TPRG1: variants seen among roughly 807,000 people sequenced by gnomAD.
TPRG1 encodes the protein tumor protein p63 regulated 1.
Under a neutral mutation model 29.3 loss-of-function variants are expected in TPRG1, and 29 were observed. The observed-to-expected ratio is 0.99, with a 90% CI of 0.74 to 1.35. The LOEUF is 1.35. TPRG1 is among the 40% of genes most tolerant of loss of function. TPRG1 has a pLI of 0.00. For missense variants in TPRG1, 327 were observed against 335.0 expected (o/e 0.98, Z 0.19); for synonymous variants, 130 against 116.8 (o/e 1.11, Z -0.73).
intron 1 of TPRG1, among the ~76,000 whole-genome samples, chr3:189,204,892 C>A (rs1374740767): frequency 6.6e-6 from 1 of 150,586 alleles, no homozygotes; most frequent in Non-Finnish European, 1.5e-5. Flanking sequence ...GGTCAGAGTG[C>A]CTCCTCTGTC....
At chr3:189,298,153 A>T (rs1720262286) in intron 4 of TPRG1, among the ~76,000 whole-genome samples, 1 of 152,230 alleles carries the variant, frequency 6.6e-6, no homozygotes, top group South Asian at 2.1e-4. Flanking sequence ...AATGTAGGTG[A>T]ATCAGCTCTA....
intron 4 of TPRG1, among the ~76,000 whole-genome samples, chr3:189,060,111 A>C (rs1371398233): frequency 6.6e-6 from 1 of 152,182 alleles, no homozygotes; most frequent in East Asian, 1.9e-4. Flanking sequence ...GCATGCCTGT[A>C]ATCCCAGCTT....
chr3:189,098,493 T>C (rs1271422685), upstream of TPRG1, among the ~76,000 whole-genome samples: 4 of 151,922 alleles, frequency 2.6e-5, no homozygotes, highest in Non-Finnish European at 4.4e-5. Flanking sequence ...GAAGAGAGGG[T>C]ACTGGGGGCA....
intron 5 of TPRG1, among the ~76,000 whole-genome samples, chr3:189,159,364 G>A (rs1380724439): frequency 1.3e-5 from 2 of 152,090 alleles, no homozygotes; most frequent in Non-Finnish European, 2.9e-5. Flanking sequence ...GGCATTTCAG[G>A]TAGAGGGAAT....
At chr3:189,154,646 T>A (rs1726417083) in intron 5 of TPRG1, among the ~76,000 whole-genome samples, 1 of 152,070 alleles carries the variant, frequency 6.6e-6, no homozygotes, top group African/African-American at 2.4e-5. Context: ...TTTCACTATG[T>A]TGGCCAGGCT....
intron 4 of TPRG1, among the ~76,000 whole-genome samples, chr3:189,262,999 G>C (rs1430926891): frequency 6.6e-6 from 1 of 152,238 alleles, no homozygotes; most frequent in Non-Finnish European, 1.5e-5. Context: ...ATGAGACGTT[G>C]AGCAAAATAG....
At chr3:189,081,326 A>G (rs796219285) in intron 4 of TPRG1, among the ~76,000 whole-genome samples, 23 of 152,314 alleles carry the variant, frequency 1.5e-4, no homozygotes, top group African/African-American at 5.5e-4. Flanking sequence ...TAGAAGAGCC[A>G]AGAGGCAGAA....
chr3:189,214,417 AAG>A (rs568533456), intron 2 of TPRG1, among the ~76,000 whole-genome samples: 228 of 152,328 alleles, frequency 1.5e-3, no homozygotes, highest in African/African-American at 5.2e-3. Context: ...CTGCATCACA[AAG>A]AGTGGAGGTT....
intron 4 of TPRG1, among the ~76,000 whole-genome samples, chr3:189,074,007 T>C (rs753076405): frequency 6.6e-6 from 1 of 152,132 alleles, no homozygotes; most frequent in Admixed American, 6.5e-5. Context: ...TATTAGTTTT[T>C]GGAAGCTATT....
intron 4 of TPRG1, among the ~76,000 whole-genome samples, chr3:189,091,991 T>C (rs73053423): frequency 0.046 from 7,078 of 152,262 alleles, 537 homozygotes; most frequent in African/African-American, 0.16. Flanking sequence ...TTTTAGATGC[T>C]AAATGTAGGA....
At chr3:189,161,309 T>G (rs1727448287) in intron 5 of TPRG1, among the ~76,000 whole-genome samples, 1 of 152,244 alleles carries the variant, frequency 6.6e-6, no homozygotes, top group Non-Finnish European at 1.5e-5. Flanking sequence ...GCTTCAGAAC[T>G]GGACTATCTT....
upstream of TPRG1, among the ~76,000 whole-genome samples, chr3:189,168,260 C>T (rs1315119989): frequency 6.6e-6 from 1 of 152,072 alleles, no homozygotes; most frequent in Non-Finnish European, 1.5e-5. Flanking sequence ...TATTTCCAAC[C>T]AGCCTTGAGC....
At chr3:189,236,844 C>CA (rs1739544416) in intron 3 of TPRG1, among the ~76,000 whole-genome samples, 1 of 152,080 alleles carries the variant, frequency 6.6e-6, no homozygotes, top group Non-Finnish European at 1.5e-5. Context: ...CCTATTGATT[C>CA]AACTCCTAAC....
chr3:189,174,138 A>C (rs1257503656), intron 1 of TPRG1, among the ~76,000 whole-genome samples: 3 of 152,248 alleles, frequency 2.0e-5, no homozygotes, highest in Non-Finnish European at 4.4e-5. Context: ...TTTACTCAAC[A>C]TTGTTTAATC....
chr3:189,271,280 C>T (rs1715080799), intron 4 of TPRG1, among the ~76,000 whole-genome samples: 2 of 152,152 alleles, frequency 1.3e-5, no homozygotes, highest in Non-Finnish European at 2.9e-5. Flanking sequence ...GAGAAACAGC[C>T]CACCTGAGTG....
At chr3:189,106,586 C>T (rs1719850556) in intron 1 of TPRG1, among the ~76,000 whole-genome samples, 1 of 152,020 alleles carries the variant, frequency 6.6e-6, no homozygotes, top group South Asian at 2.1e-4. Context: ...TGTGGAATCC[C>T]CAGTGCCTGG....
At chr3:189,144,910 G>C (rs1162998444) in intron 3 of TPRG1, among the ~76,000 whole-genome samples, 1 of 152,182 alleles carries the variant, frequency 6.6e-6, no homozygotes, top group Admixed American at 6.5e-5. Flanking sequence ...CTTACACACT[G>C]GTTTCACGGG....
rs187765001 is a variant in TPRG1 at position 189,025,762 on chromosome 3, A to G, written c.-463+1816A>G. 3.3e-5 allele frequency among the ~76,000 whole-genome samples: 5 copies of G among 152,362 alleles called. No homozygotes were observed. In the East Asian group the frequency reaches 5.8e-4, roughly 18 times the overall value. ...TGCTTTCTGGAATATTCTCTAGGGT[A>G]TAAGAGAATGTTGTCTTTTGAGTAT... On this transcript the variant is annotated intron_variant, in intron 4 of 10. Transcript: ENST00000433971.
intron 1 of TPRG1, among the ~76,000 whole-genome samples, chr3:189,182,867 T>C (rs556974488): frequency 1.3e-4 from 20 of 152,342 alleles, no homozygotes; most frequent in African/African-American, 4.6e-4. Flanking sequence ...TTTTGACATA[T>C]GTATACATTG....
Sources: gnomAD v4.1 joint callset for allele counts (sites outside exome capture counted in the v4.1 genomes callset) on GRCh38, gnomAD v4.1.1 for gene constraint, MANE v1.5 for transcripts, NCBI Gene and HGNC (gene_info 2026-07-23, HGNC 2026-07-21) for gene names.